Variants in EEFSEC observed in about 807,000 individuals in gnomAD.
EEFSEC encodes selenocysteine-specific elongation factor.
In EEFSEC, 43 loss-of-function variants were observed where a neutral mutation model predicts 42.1. That is an observed-to-expected ratio of 1.02 (90% CI 0.80 to 1.32). The LOEUF (loss-of-function observed/expected upper bound fraction) is 1.32. EEFSEC is among the 40% of genes most tolerant of loss of function. The pLI is 0.00. For missense variants in EEFSEC, 745 were observed against 803.6 expected, an observed-to-expected ratio of 0.93 and a Z score of 0.88; for synonymous variants, 354 against 339.1, an observed-to-expected ratio of 1.04 and a Z score of -0.48.
chr3:128,285,925 A>T (rs934486452), intron 4 of EEFSEC, among the ~76,000 whole-genome samples: 1 of 152,164 alleles, frequency 6.6e-6, no homozygotes, highest in African/African-American at 2.4e-5. Flanking sequence ...ACTTGATAAT[A>T]TCTGTGAACT....
intron 6 of EEFSEC, among the ~76,000 whole-genome samples, chr3:128,375,039 G>A (rs1559946630): frequency 6.6e-6 from 1 of 152,226 alleles, no homozygotes; most frequent in African/African-American, 2.4e-5. Flanking sequence ...GTTTGGCCCA[G>A]CCTTTGGGGT....
chr3:128,284,829 T>A (rs2066566342), intron 4 of EEFSEC, among the ~76,000 whole-genome samples: 1 of 151,972 alleles, frequency 6.6e-6, no homozygotes, highest in African/African-American at 2.4e-5. Flanking sequence ...TACACGGCTG[T>A]TCCCATGTCT....
intron 1 of EEFSEC, among the ~76,000 whole-genome samples, chr3:128,237,435 T>G (rs1400369298): frequency 2.0e-5 from 3 of 152,236 alleles, no homozygotes; most frequent in African/African-American, 7.2e-5. Context: ...TCTGATGTCA[T>G]GTGTATGGTA....
In EEFSEC at chr3:128,317,455, G is replaced by A. The variant is rs1230774771; in HGVS notation, c.787-23778G>A. On this transcript the variant is annotated intron_variant, in intron 4 of 6. Coordinates refer to ENST00000254730, the MANE Select transcript of EEFSEC (RefSeq NM_021937.5). This position sits in a 1 kb window ranked among gnomAD's most constrained non-coding sequence, Gnocchi z 4.1. The stretch of plus-strand genomic sequence containing the variant: ...TGTGAGAACTGTGGACATGCTCAGG[G>A]ATCAGCACAAGGGCCCCTCTGGGGC... 3.3e-5 allele frequency among the ~76,000 whole-genome samples: 5 copies of A among 152,182 alleles called. No homozygotes were observed. Among genetic ancestry groups the A allele is most frequent in the Admixed American group, 1.3e-4 (2 of 15,290 alleles).
In EEFSEC at chr3:128,309,472, G is replaced by T. The variant is rs143448717; in HGVS notation, c.787-31761G>T. 4.6e-5 allele frequency among the ~76,000 whole-genome samples: 7 copies of T among 152,312 alleles called. No homozygotes were observed. In the East Asian group the frequency reaches 9.6e-4, roughly 21 times the overall value. ...GCTGCTGTCTGCTGAACGCTTACTG[G>T]GGCCATGTACATAACCAGTGTACCC... On this transcript the variant is annotated intron_variant, in intron 4 of 6. Transcript: ENST00000254730.
At chr3:128,350,296 C>T (rs2067367878) in intron 5 of EEFSEC, among the ~76,000 whole-genome samples, 1 of 152,218 alleles carries the variant, frequency 6.6e-6, no homozygotes, top group Admixed American at 6.5e-5. Context: ...TCATTCTCAG[C>T]AGGGATGGTC....
chr3:128,239,841 A>G (rs1403430370), intron 1 of EEFSEC, among the ~76,000 whole-genome samples: 1 of 152,256 alleles, frequency 6.6e-6, no homozygotes, highest in Non-Finnish European at 1.5e-5. Flanking sequence ...AACAAGGACC[A>G]GGGTCCCTGG....
intron 1 of EEFSEC, among the ~76,000 whole-genome samples, chr3:128,194,678 T>C (rs2065563209): frequency 6.6e-6 from 1 of 152,172 alleles, no homozygotes; most frequent in South Asian, 2.1e-4. Context: ...TGTGCACCCT[T>C]CTTTAAAATG....
chr3:128,264,452 G>A (rs2066330980), intron 3 of EEFSEC, among the ~76,000 whole-genome samples, 165 bp from the exon 4 acceptor site: 1 of 152,182 alleles, frequency 6.6e-6, no homozygotes. Flanking sequence ...CAGGGAGTTA[G>A]GTGGTTTTGA....
At chr3:128,173,535 G>T (rs1471252454) in intron 1 of EEFSEC, among the ~76,000 whole-genome samples, 1 of 152,170 alleles carries the variant, frequency 6.6e-6, no homozygotes, top group South Asian at 2.1e-4. Context: ...AATATTTCCA[G>T]TGCTATCTGT....
chr3:128,170,685 G>A (rs2065287460), intron 1 of EEFSEC, among the ~76,000 whole-genome samples: 1 of 152,090 alleles, frequency 6.6e-6, no homozygotes, highest in Non-Finnish European at 1.5e-5. Flanking sequence ...CTAACTCCCT[G>A]CTTTTTTTCC....
At chr3:128,364,415 G>A (rs1201175967) in intron 6 of EEFSEC, among the ~76,000 whole-genome samples, 3 of 152,190 alleles carry the variant, frequency 2.0e-5, no homozygotes, top group African/African-American at 4.8e-5. Context: ...AGAAGGGCGA[G>A]CGGGGAGCAG....
chr3:128,375,975 C>T (rs954780672), intron 6 of EEFSEC, among the ~76,000 whole-genome samples: 3 of 152,192 alleles, frequency 2.0e-5, no homozygotes, highest in Non-Finnish European at 4.4e-5. Context: ...TCAGATTGAC[C>T]CATGTGCCTG....
At chr3:128,386,126 C>T (rs897420442) in intron 6 of EEFSEC, among the ~76,000 whole-genome samples, 2 of 152,208 alleles carry the variant, frequency 1.3e-5, no homozygotes, top group Admixed American at 6.5e-5. Flanking sequence ...AGTAAATAGT[C>T]GAAGTGGTGG....
intron 6 of EEFSEC, chr3:128,362,083 C>A: frequency 2.7e-6 from 1 of 369,442 alleles, no homozygotes. Flanking sequence ...TTCAAAGAAT[C>A]TGGAGCTGGG....
At chr3:128,414,136 T>A in the EEFSEC span, among the ~76,000 whole-genome samples, 1 of 152,328 alleles carries the variant, frequency 6.6e-6, no homozygotes, top group South Asian at 2.1e-4. Flanking sequence ...TCCCTGTCCA[T>A]GCCCTGAGGC....
intron 1 of EEFSEC, among the ~76,000 whole-genome samples, chr3:128,161,896 T>C (rs756404606): frequency 1.3e-5 from 2 of 152,204 alleles, no homozygotes; most frequent in Admixed American, 6.5e-5. Flanking sequence ...AGCAGCCTGC[T>C]CCAGGCAGAA....
intron 1 of EEFSEC, among the ~76,000 whole-genome samples, chr3:128,242,520 A>C (rs1045113875): frequency 6.6e-6 from 1 of 152,004 alleles, no homozygotes; most frequent in Non-Finnish European, 1.5e-5. Context: ...TCTGATTTTG[A>C]GGTTGCTAAA....
At chr3:128,279,093 G>T (rs779969046) in intron 4 of EEFSEC, among the ~76,000 whole-genome samples, 1 of 152,194 alleles carries the variant, frequency 6.6e-6, no homozygotes, top group South Asian at 2.1e-4. Context: ...AGGGAAGGCC[G>T]GCCGCCAGAG....
Sources: gnomAD v4.1 joint callset for allele counts (sites outside exome capture counted in the v4.1 genomes callset) on GRCh38, gnomAD v4.1.1 for gene constraint, Gnocchi (gnomAD v3.1) non-coding constraint, MANE v1.5 for transcripts, NCBI Gene and HGNC (gene_info 2026-07-23, HGNC 2026-07-21) for gene names.